The following ABCC1 variants were observed in gnomAD, a reference collection of about 807,000 sequenced individuals.
The protein encoded by ABCC1 is multidrug resistance-associated protein 1.
ABCC1 carries 83 observed loss-of-function variants against 172.9 expected under a neutral mutation model. The ratio of observed to expected loss-of-function variants is 0.48; its 90% confidence interval spans 0.40 to 0.58. The LOEUF is 0.58. Ranked by LOEUF, ABCC1 falls within the 20% of genes least tolerant of loss-of-function variation. The pLI, the probability that ABCC1 is intolerant of heterozygous loss-of-function variation, is 0.00. For missense variants in ABCC1, 1,817 were observed against 2,002.7 expected (o/e 0.91, Z 1.77); for synonymous variants, 937 against 825.2 (o/e 1.14, Z -2.32).
chr16:16,069,388 T>C (rs562625304), intron 13 of ABCC1, among the ~76,000 whole-genome samples: 7 of 151,510 alleles, frequency 4.6e-5, no homozygotes, highest in Admixed American at 4.6e-4. Context: ...TTGTTTTTTG[T>C]TTTTATTTTT....
chr16:16,110,910 CT>C (rs776987366), intron 21 of ABCC1, among the ~76,000 whole-genome samples: 1 of 151,422 alleles, frequency 6.6e-6, no homozygotes, highest in African/African-American at 2.4e-5. Context: ...GAGTTTGTCT[CT>C]TTTTTTTGAG....
At chr16:16,007,083 G>A (rs1468251232) in intron 1 of ABCC1, among the ~76,000 whole-genome samples, 1 of 152,130 alleles carries the variant, frequency 6.6e-6, no homozygotes, top group Non-Finnish European at 1.5e-5. Flanking sequence ...ATCCTTCAGG[G>A]TTCCTTTAAA....
At chr16:15,955,563 C>T (rs1024903122) in intron 1 of ABCC1, among the ~76,000 whole-genome samples, 2 of 152,108 alleles carry the variant, frequency 1.3e-5, no homozygotes, top group Admixed American at 6.6e-5. Flanking sequence ...TGCTTTCTGT[C>T]TCACTCTCCT....
At chr16:15,967,745 A>G (rs1229253127) in intron 1 of ABCC1, among the ~76,000 whole-genome samples, 1 of 137,018 alleles carries the variant, frequency 7.3e-6, no homozygotes, top group Non-Finnish European at 1.6e-5. Flanking sequence ...GGACAACAGC[A>G]TGGCACTGTC....
intron 1 of ABCC1, among the ~76,000 whole-genome samples, chr16:15,974,614 G>C (rs1567281552): frequency 6.6e-6 from 1 of 152,132 alleles, no homozygotes; most frequent in Non-Finnish European, 1.5e-5. Flanking sequence ...GAATCCTAGA[G>C]GCCAGTATTT....
chr16:16,049,113 C>A (rs1189238186), intron 10 of ABCC1, among the ~76,000 whole-genome samples: 1 of 152,198 alleles, frequency 6.6e-6, no homozygotes, highest in African/African-American at 2.4e-5. Flanking sequence ...TACTCAGTTT[C>A]ACCCACTGCC....
chr16:16,068,370 G>A, intron 13 of ABCC1, 68 bp downstream of exon 13: 1 of 1,579,356 alleles, frequency 6.3e-7, no homozygotes, highest in Non-Finnish European at 8.7e-7. Flanking sequence ...AAGCATGGAA[G>A]TGCCCCCGAG....
intron 28 of ABCC1, among the ~76,000 whole-genome samples, 170 bp downstream of exon 28, chr16:16,134,678 C>T (rs1358279751): frequency 7.1e-6 from 1 of 141,392 alleles, no homozygotes; most frequent in Non-Finnish European, 1.5e-5. Flanking sequence ...GCTCTGTTGC[C>T]CAGAGTGGAG....
intron 1 of ABCC1, among the ~76,000 whole-genome samples, chr16:16,002,200 T>C (rs894552003): frequency 2.6e-5 from 4 of 152,200 alleles, no homozygotes; most frequent in Non-Finnish European, 5.9e-5. Context: ...TCATGTATAC[T>C]GCGGGATGAT....
intron 12 of ABCC1, among the ~76,000 whole-genome samples, chr16:16,064,750 C>G (rs146774532): frequency 6.6e-6 from 1 of 152,232 alleles, no homozygotes; most frequent in African/African-American, 2.4e-5. Context: ...AGCAGACATT[C>G]ACTGAGCACC....
chr16:16,057,548 AT>A (rs2049718325), intron 12 of ABCC1, among the ~76,000 whole-genome samples: 1 of 151,632 alleles, frequency 6.6e-6, no homozygotes, highest in African/African-American at 2.4e-5. Context: ...AAAAAAAAAA[AT>A]ACAGAAAGAT....
chr16:16,103,254 T>C (rs1215197338), intron 20 of ABCC1, among the ~76,000 whole-genome samples: 2 of 152,108 alleles, frequency 1.3e-5, no homozygotes, highest in Non-Finnish European at 2.9e-5. Flanking sequence ...TTATAGCGTA[T>C]GCAGTATATT....
At chr16:16,075,596 G>A (rs892824204) in intron 14 of ABCC1, among the ~76,000 whole-genome samples, 4 of 152,128 alleles carry the variant, frequency 2.6e-5, no homozygotes, top group South Asian at 2.1e-4. Flanking sequence ...GCACCACTGC[G>A]CTCCAGCCTG....
intron 19 of ABCC1, among the ~76,000 whole-genome samples, chr16:16,102,243 T>C (rs1420384565): frequency 2.0e-5 from 3 of 152,240 alleles, no homozygotes; most frequent in Admixed American, 2.0e-4. Flanking sequence ...ATCACGGGGC[T>C]ATGCCCTTTC....
At chr16:15,994,580 A>G (rs1415792792) in intron 1 of ABCC1, among the ~76,000 whole-genome samples, 1 of 152,030 alleles carries the variant, frequency 6.6e-6, no homozygotes, top group African/African-American at 2.4e-5. Context: ...CCTACCCTTC[A>G]ATTCCTGCTG....
chr16:16,137,545 CTTTTTTTTTTTTT>C (rs151237296), intron 29 of ABCC1, among the ~76,000 whole-genome samples: 4 of 56,634 alleles, frequency 7.1e-5, no homozygotes, highest in African/African-American at 1.7e-4. Context: ...GGTATGAGGC[CTTTTTTTTTTTTT>C]TTTTTTTTTT....
rs1450871598 is a variant in ABCC1, at chr16:15,989,529, TC to T, written c.49-18285del. On this transcript the variant is annotated intron_variant, in intron 1 of 30. Coordinates refer to ENST00000399410, the MANE Select transcript of ABCC1 (RefSeq NM_004996.4). ...TGACCTAACCACGGGCCTCTTGCAC[TC>T]CTTTTCTCAGCTTCCCTTGGCTTCT... 5.9e-5 allele frequency among the ~76,000 whole-genome samples: 9 copies of T among 152,292 alleles called. No individual in the cohort carries two copies. The East Asian group carries it at 1.7e-3, about 29-fold the overall frequency.
intron 28 of ABCC1, among the ~76,000 whole-genome samples, chr16:16,135,705 C>T (rs1360199820): frequency 2.0e-5 from 3 of 152,182 alleles, no homozygotes; most frequent in Non-Finnish European, 4.4e-5. Flanking sequence ...ATCTGCCTGC[C>T]TCGGCCTCCC....
chr16:16,048,328 T>C (rs2049299827), intron 10 of ABCC1, 25 bp downstream of exon 10: 1 of 1,612,418 alleles, frequency 6.2e-7, no homozygotes, highest in East Asian at 2.2e-5. Flanking sequence ...CCGTTTCCCT[T>C]TGCATGCAGG....
Sources: gnomAD v4.1 joint callset for allele counts (sites outside exome capture counted in the v4.1 genomes callset) on GRCh38, gnomAD v4.1.1 for gene constraint, MANE v1.5 for transcripts, NCBI Gene and HGNC (gene_info 2026-07-23, HGNC 2026-07-21) for gene names.